ABCG2: variants seen among roughly 807,000 people sequenced by gnomAD.
The protein encoded by ABCG2 is ATP binding cassette subfamily G member 2 (JR blood group).
In ABCG2, 80 loss-of-function variants were observed where a neutral mutation model predicts 73.5. That is an observed-to-expected ratio of 1.09 (90% CI 0.91 to 1.31). The LOEUF is 1.31. Ranked by LOEUF, ABCG2 falls within the 50% of genes most tolerant of loss-of-function variation. ABCG2 has a pLI of 0.00. For synonymous variants in ABCG2, 269 were observed against 282.4 expected, an observed-to-expected ratio of 0.95 and a Z score of 0.48; for missense variants, 796 against 786.2, an observed-to-expected ratio of 1.01 and a Z score of -0.15.
At chr4:88,094,550 C>T (rs1476351214) in intron 15 of ABCG2, 27 bp downstream of exon 15, 1 of 1,587,776 alleles carries the variant, frequency 6.3e-7, no homozygotes, top group Admixed American at 1.7e-5. Context: ...GTAACAAAAC[C>T]CATTTTGACA....
In ABCG2 at chr4:88,225,663, T is replaced by A. The variant is rs138867968; in HGVS notation, c.-20+5331A>T. On this transcript the variant is annotated intron_variant, in intron 1 of 15. Transcript: ENST00000515655. ...CTGAGCATTTTAATATGGTATCATA[T>A]GAGTCATGACAGGCTCCTGATGGGA... 1.6e-3 allele frequency among the ~76,000 whole-genome samples: 247 copies of A among 152,336 alleles called. 1 individual carries two copies. The highest frequency in any genetic ancestry group is 2.4e-3 in the Non-Finnish European group (163 of 68,038).
intron 1 of ABCG2, among the ~76,000 whole-genome samples, chr4:88,149,734 C>G (rs1726321347): frequency 6.6e-6 from 1 of 152,124 alleles, no homozygotes; most frequent in African/African-American, 2.4e-5. Context: ...GCCTGTAACC[C>G]CAGCCACTCG....
At chr4:88,223,816 G>A (rs1029207965) in intron 1 of ABCG2, 4 of 152,318 alleles carry the variant, frequency 2.6e-5, no homozygotes, top group African/African-American at 9.7e-5. Flanking sequence ...AGGGATGAAG[G>A]AGATTTTTTT....
chr4:88,120,914 AC>A (rs749491305), intron 6 of ABCG2, among the ~76,000 whole-genome samples: 26 of 152,204 alleles, frequency 1.7e-4, no homozygotes, highest in Admixed American at 3.3e-4. Flanking sequence ...CCCAAATCTC[AC>A]CTTGAATTGT....
intron 2 of ABCG2, among the ~76,000 whole-genome samples, chr4:88,133,056 T>A (rs1337683435): frequency 1.3e-5 from 2 of 152,232 alleles, no homozygotes; most frequent in Non-Finnish European, 2.9e-5. Flanking sequence ...AAAATGACAT[T>A]CAACATTTAA....
At chr4:88,108,944 T>C (rs2109998267) in intron 9 of ABCG2, among the ~76,000 whole-genome samples, 1 of 152,248 alleles carries the variant, frequency 6.6e-6, no homozygotes, top group South Asian at 2.1e-4. Context: ...TGCATGAATG[T>C]GCATACAAGA....
At chr4:88,211,322 T>C (rs1221011522) in intron 1 of ABCG2, among the ~76,000 whole-genome samples, 1 of 138,708 alleles carries the variant, frequency 7.2e-6, no homozygotes, top group Non-Finnish European at 1.5e-5. Flanking sequence ...GTCCAAATAG[T>C]GAACATTGTA....
chr4:88,145,711 G>A (rs945378533), intron 1 of ABCG2, among the ~76,000 whole-genome samples: 1 of 152,158 alleles, frequency 6.6e-6, no homozygotes, highest in Non-Finnish European at 1.5e-5. Context: ...AGGCTGAGGT[G>A]AGCAGATTAC....
intron 10 of ABCG2, among the ~76,000 whole-genome samples, chr4:88,106,232 G>T (rs1049568091): frequency 6.6e-6 from 1 of 151,950 alleles, no homozygotes; most frequent in Non-Finnish European, 1.5e-5. Flanking sequence ...AGAACTCCTG[G>T]GCTCAAGCAA....
intron 1 of ABCG2, among the ~76,000 whole-genome samples, chr4:88,146,669 C>T (rs1726027743): frequency 6.6e-6 from 1 of 152,254 alleles, no homozygotes; most frequent in Non-Finnish European, 1.5e-5. Context: ...GCTGGGATTA[C>T]AGGCATGAGT....
intron 1 of ABCG2, among the ~76,000 whole-genome samples, chr4:88,188,344 T>C (rs2110105459): frequency 6.6e-6 from 1 of 152,290 alleles, no homozygotes; most frequent in South Asian, 2.1e-4. Context: ...TAAACGTCTG[T>C]CTCTATGCCC....
intron 6 of ABCG2, among the ~76,000 whole-genome samples, chr4:88,121,112 A>T (rs1723936568): frequency 6.6e-6 from 1 of 152,208 alleles, no homozygotes; most frequent in Non-Finnish European, 1.5e-5. Context: ...TCAGGCCAGT[A>T]GGTCAACAAT....
chr4:88,159,811 C>T (rs575472747), upstream of ABCG2, among the ~76,000 whole-genome samples: 14 of 152,148 alleles, frequency 9.2e-5, no homozygotes, highest in South Asian at 2.9e-3. Context: ...ATACCGCATG[C>T]TTTTTAAAAG....
At chr4:88,181,584 A>C (rs1728255286) in intron 1 of ABCG2, among the ~76,000 whole-genome samples, 1 of 151,984 alleles carries the variant, frequency 6.6e-6, no homozygotes, top group Non-Finnish European at 1.5e-5. Flanking sequence ...TAAAAGAAAT[A>C]GCCTGGCGTG....
chr4:88,141,941 A>C (rs191595343), intron 1 of ABCG2, among the ~76,000 whole-genome samples: 7 of 152,254 alleles, frequency 4.6e-5, no homozygotes, highest in Non-Finnish European at 1.5e-5. Flanking sequence ...AACAAACAAA[A>C]ATTAAGAATT....
intron 1 of ABCG2, among the ~76,000 whole-genome samples, chr4:88,200,150 C>T (rs1162448444): frequency 1.3e-5 from 2 of 152,004 alleles, no homozygotes; most frequent in South Asian, 2.1e-4. Flanking sequence ...CATGGCAAAA[C>T]CCCATCTCTA....
intron 5 of ABCG2, among the ~76,000 whole-genome samples, chr4:88,128,346 T>C (rs1385000486): frequency 6.6e-6 from 1 of 152,166 alleles, no homozygotes; most frequent in Admixed American, 6.5e-5. Context: ...AGTTCAACCA[T>C]TGTGCAAGAC....
At chr4:88,095,206 T>A (rs1295555038) in intron 14 of ABCG2, among the ~76,000 whole-genome samples, 1 of 152,236 alleles carries the variant, frequency 6.6e-6, no homozygotes, top group African/African-American at 2.4e-5. Context: ...TGTATTCTAG[T>A]GTCCCATCCT....
intron 5 of ABCG2, among the ~76,000 whole-genome samples, chr4:88,129,237 G>A (rs984134600): frequency 6.6e-6 from 1 of 151,870 alleles, no homozygotes; most frequent in South Asian, 2.1e-4. Flanking sequence ...ATATACCTAA[G>A]GTTAATAACT....
Sources: gnomAD v4.1 joint callset for allele counts (sites outside exome capture counted in the v4.1 genomes callset) on GRCh38, gnomAD v4.1.1 for gene constraint, MANE v1.5 for transcripts, NCBI Gene and HGNC (gene_info 2026-07-23, HGNC 2026-07-21) for gene names.